Variants in LATS2 observed in about 807,000 individuals in gnomAD.
LATS2 encodes the protein large tumor suppressor kinase 2, also known as serine/threonine-protein kinase LATS2.
In LATS2, 24 loss-of-function variants were observed where a neutral mutation model predicts 76.0. The ratio of observed to expected loss-of-function variants is 0.32; its 90% CI spans 0.23 to 0.44. LATS2 has a LOEUF of 0.44. Among genes scored for constraint, LATS2 ranks in the 20% least tolerant of loss-of-function variants. The pLI is 1.00. For synonymous variants in LATS2, 692 were observed against 635.4 expected (o/e 1.09, Z -1.34); for missense variants, 1,286 against 1,481.2 (o/e 0.87, Z 2.16).
Position 20,988,776 on chromosome 13 carries a change from C to T in LATS2, c.1004G>A (p.Ser335Asn). 6.3e-7 allele frequency: 1 copy of T among 1,588,740 alleles called. No individual in the cohort carries two copies. The highest frequency in any genetic ancestry group is 8.5e-7 in the Non-Finnish European group (1 of 1,173,834). Residue 335 changes from serine to asparagine, a missense_variant, in exon 4 of 8, where the codon AGC becomes AAC. Physicochemically the swap from Ser to Asn is conservative, Grantham distance 46. This residue lies in a region of LATS2 where 710 missense variants were observed against 660.9 expected (regional missense o/e 1.07). Coordinates refer to ENST00000382592, the MANE Select transcript of LATS2 (RefSeq NM_014572.3). ...GGGGCTGTCGCTGGCGAACACCTGG[C>T]TGCGGGAGCCCAGCACATGCAGCTG... ...AHQLHVLGSRSQVFASDSPPQ... is the reference protein window; with the variant it reads ...AHQLHVLGSRNQVFASDSPPQ...
At chr13:21,039,220 C>A (rs1365178236) in intron 2 of LATS2, among the ~76,000 whole-genome samples, 1 of 152,194 alleles carries the variant, frequency 6.6e-6, no homozygotes, top group Non-Finnish European at 1.5e-5. Context: ...ACATGACCGA[C>A]ATTCCTAAAC....
intron 1 of LATS2, among the ~76,000 whole-genome samples, chr13:21,059,984 C>CA (rs1172055174): frequency 5.3e-5 from 8 of 152,074 alleles, no homozygotes; most frequent in South Asian, 2.1e-4. Flanking sequence ...ACATTTTTGT[C>CA]AAAAAAATCT....
intron 2 of LATS2, among the ~76,000 whole-genome samples, chr13:21,023,677 AAAAAAAC>A (rs1438421405): frequency 0.26 from 4,389 of 16,832 alleles, 1,144 homozygotes; most frequent in South Asian, 0.46. Context: ...AAAAAAAAAA[AAAAAAAC>A]AAACCTCGGC....
chr13:20,998,443 G>A (rs1413568364), intron 2 of LATS2, among the ~76,000 whole-genome samples: 1 of 152,208 alleles, frequency 6.6e-6, no homozygotes, highest in Non-Finnish European at 1.5e-5. Context: ...CCAGTTGGCT[G>A]GCAGAGGAGG....
chr13:21,008,995 GT>G (rs1313184948), intron 2 of LATS2, among the ~76,000 whole-genome samples: 2 of 152,210 alleles, frequency 1.3e-5, no homozygotes, highest in South Asian at 2.1e-4. Context: ...AAATCACGTT[GT>G]ATAGTGTTTT....
At chr13:21,045,119 A>G (rs1873020332) in intron 2 of LATS2, among the ~76,000 whole-genome samples, 2 of 152,034 alleles carry the variant, frequency 1.3e-5, no homozygotes. Context: ...TGTTGCCACA[A>G]TTTTGACGAT....
intron 2 of LATS2, among the ~76,000 whole-genome samples, chr13:20,996,720 C>T (rs1870767853): frequency 1.3e-5 from 2 of 152,068 alleles, no homozygotes; most frequent in African/African-American, 4.8e-5. Context: ...AGAACTGATA[C>T]TATTATTCAC....
chr13:21,014,616 A>G (rs1246740815), intron 2 of LATS2, among the ~76,000 whole-genome samples: 1 of 152,254 alleles, frequency 6.6e-6, no homozygotes, highest in Non-Finnish European at 1.5e-5. Flanking sequence ...CCATCCATGC[A>G]GCAACTGAAA....
intron 2 of LATS2, among the ~76,000 whole-genome samples, chr13:21,025,209 G>A (rs757325184): frequency 4.2e-5 from 5 of 118,844 alleles, no homozygotes; most frequent in Non-Finnish European, 7.0e-5. Flanking sequence ...GCGAAACCCC[G>A]TCTCTACTAA....
At chr13:21,058,716 G>A (rs977261149) in intron 1 of LATS2, among the ~76,000 whole-genome samples, 5 of 152,126 alleles carry the variant, frequency 3.3e-5, no homozygotes, top group African/African-American at 9.7e-5. Flanking sequence ...ACCTTAAACT[G>A]CCTGAGATTT....
intron 2 of LATS2, among the ~76,000 whole-genome samples, chr13:21,018,885 A>T (rs1007855157): frequency 2.0e-5 from 3 of 151,964 alleles, no homozygotes; most frequent in African/African-American, 7.3e-5. Context: ...ACCTCAAATA[A>T]TCCGCCTGCC....
chr13:20,981,081 C>A (rs1211967252), intron 6 of LATS2, among the ~76,000 whole-genome samples: 2 of 152,212 alleles, frequency 1.3e-5, no homozygotes, highest in Non-Finnish European at 2.9e-5. Context: ...CACAACTCAG[C>A]CAGGAGCCTG....
chr13:21,027,764 C>A (rs1256242260), intron 2 of LATS2, among the ~76,000 whole-genome samples: 2 of 152,052 alleles, frequency 1.3e-5, no homozygotes, highest in Non-Finnish European at 2.9e-5. Context: ...CATATGAATT[C>A]ACAATCAGCT....
chr13:21,008,368 A>G (rs1352665605), intron 2 of LATS2, among the ~76,000 whole-genome samples: 2 of 152,016 alleles, frequency 1.3e-5, no homozygotes, highest in African/African-American at 4.8e-5. Flanking sequence ...GGGGAGGGGC[A>G]GCCCGCTGGG....
chr13:21,026,970 G>A (rs539047878), intron 2 of LATS2, among the ~76,000 whole-genome samples: 1 of 152,236 alleles, frequency 6.6e-6, no homozygotes, highest in South Asian at 2.1e-4. Flanking sequence ...TTTCTCTGAT[G>A]ATGAATGATG....
chr13:21,023,994 A>C (rs1247507760), intron 2 of LATS2, among the ~76,000 whole-genome samples: 4 of 149,480 alleles, frequency 2.7e-5, no homozygotes, highest in African/African-American at 9.8e-5. Flanking sequence ...AAAACAAAAC[A>C]CAACTCAGGG....
intron 1 of LATS2, among the ~76,000 whole-genome samples, chr13:21,054,547 C>A (rs2138417429): frequency 6.6e-6 from 1 of 152,342 alleles, no homozygotes; most frequent in African/African-American, 2.4e-5. Flanking sequence ...CCCCACCCCA[C>A]TGGCCCTCCA....
At chr13:21,031,558 T>C (rs971987880) in intron 2 of LATS2, among the ~76,000 whole-genome samples, 30 of 152,192 alleles carry the variant, frequency 2.0e-4, no homozygotes, top group Admixed American at 1.8e-3. Flanking sequence ...TCTGTAAAGA[T>C]TTCCTGTCTG....
intron 2 of LATS2, among the ~76,000 whole-genome samples, chr13:21,004,707 C>T (rs1871197460): frequency 6.6e-6 from 1 of 152,198 alleles, no homozygotes; most frequent in Non-Finnish European, 1.5e-5. Flanking sequence ...GGCTGTTCAA[C>T]AGTATCCCGA....
Sources: gnomAD v4.1 joint callset for allele counts (sites outside exome capture counted in the v4.1 genomes callset) on GRCh38, gnomAD v4.1.1 for gene constraint, gnomAD v4.1.1 regional missense constraint, MANE v1.5 for transcripts, NCBI Gene and HGNC (gene_info 2026-07-23, HGNC 2026-07-21) for gene names.